PRKAA2: variants seen among roughly 807,000 people sequenced by gnomAD.
The protein encoded by PRKAA2 is 5'-AMP-activated protein kinase catalytic subunit alpha-2.
A neutral mutation model predicts 56.3 loss-of-function variants in PRKAA2; 40 were observed. The observed-to-expected ratio is 0.71, with a 90% CI of 0.55 to 0.92. The LOEUF (loss-of-function observed/expected upper bound fraction) is 0.92, where lower values mean the gene tolerates loss of function less well. PRKAA2 is among the 40% of genes least tolerant of loss of function. The pLI, the probability that PRKAA2 is intolerant of heterozygous loss-of-function variation, is 0.00. For synonymous variants in PRKAA2, 214 were observed against 234.2 expected (o/e 0.91, Z 0.79); for missense variants, 542 against 686.9 (o/e 0.79, Z 2.36).
In PRKAA2 at chr1:56,693,747, C is replaced by T. The variant is rs1644242613; in HGVS notation, c.476-18C>T. 1.3e-6 allele frequency: 2 copies of T among 1,498,680 alleles called. No homozygotes were observed. The highest frequency in any genetic ancestry group is 1.8e-6 in the Non-Finnish European group (2 of 1,094,002). 92.8% of individuals were successfully genotyped at this position (1,498,680 alleles called of 1,614,324 possible). ...TTAAAAATATCTAGCACCAAGTAAA[C>T]ATTACTTTTATTTTTAGGATTATCT... On this transcript the variant is annotated intron_variant, in intron 4 of 8. Transcript: ENST00000371244.
chr1:56,649,384 G>A (rs1475659593), intron 1 of PRKAA2, among the ~76,000 whole-genome samples: 1 of 152,126 alleles, frequency 6.6e-6, no homozygotes, highest in African/African-American at 2.4e-5. Flanking sequence ...AGGAGATGAT[G>A]TAATTTTAAA....
chr1:56,678,878 T>C (rs1410288647), intron 2 of PRKAA2, among the ~76,000 whole-genome samples: 1 of 152,146 alleles, frequency 6.6e-6, no homozygotes, highest in East Asian at 1.9e-4. Context: ...GTATTTTTAG[T>C]AGAGACGGGG....
chr1:56,683,863 G>T (rs1006361138), intron 2 of PRKAA2, among the ~76,000 whole-genome samples: 1 of 152,058 alleles, frequency 6.6e-6, no homozygotes, highest in African/African-American at 2.4e-5. Flanking sequence ...CCATTGTCAG[G>T]GCTTTGGCTT....
chr1:56,685,436 A>C (rs945026795), intron 2 of PRKAA2, among the ~76,000 whole-genome samples: 4 of 152,178 alleles, frequency 2.6e-5, no homozygotes, highest in Non-Finnish European at 5.9e-5. Context: ...AGTTTTGGGT[A>C]AGAATTTCTT....
In PRKAA2 at chr1:56,704,383, A is replaced by C; in HGVS notation, c.1201A>C (p.Lys401Gln). 6.2e-7 allele frequency: 1 copy of C among 1,614,184 alleles called. No individual in the cohort carries two copies. The highest frequency in any genetic ancestry group is 8.5e-7 in the Non-Finnish European group (1 of 1,180,024). The change falls in exon 7 of 9, where the codon AAG (lysine) becomes CAG (glutamine). Residue 401 changes from lysine (K) to glutamine (Q), a missense_variant. Physicochemically the swap from Lys to Gln is moderately conservative, Grantham distance 53. This residue lies in a region of PRKAA2 where 6 missense variants were observed against 22.9 expected (regional missense o/e 0.26). Coordinates refer to ENST00000371244, the MANE Select transcript of PRKAA2 (RefSeq NM_006252.4). ...KPKSLAVKKAKWHLGIRSQSK... is the reference protein window; with the variant it reads ...KPKSLAVKKAQWHLGIRSQSK... ...CAAATCTTTAGCTGTGAAAAAAGCCAAGTGGCATCTTGGAATCCGAAGTCA... is the reference window on the plus strand; with the variant it reads ...CAAATCTTTAGCTGTGAAAAAAGCCCAGTGGCATCTTGGAATCCGAAGTCA...
chr1:56,706,259 C>T (rs1644331372), intron 8 of PRKAA2, 41 bp downstream of exon 8: 2 of 1,592,454 alleles, frequency 1.3e-6, no homozygotes, highest in Non-Finnish European at 1.7e-6. Flanking sequence ...GAAGATAAAA[C>T]TTGGCACTAG....
At chr1:56,681,370 A>C (rs1162283390) in intron 2 of PRKAA2, among the ~76,000 whole-genome samples, 1 of 152,020 alleles carries the variant, frequency 6.6e-6, no homozygotes, top group Non-Finnish European at 1.5e-5. Flanking sequence ...ATTAGATCCC[A>C]TTTGTCAATT....
At chr1:56,682,375 G>T (rs1240663137) in intron 2 of PRKAA2, among the ~76,000 whole-genome samples, 1 of 152,208 alleles carries the variant, frequency 6.6e-6, no homozygotes, top group African/African-American at 2.4e-5. Flanking sequence ...AGATAGGTTT[G>T]ACCTAAGACC....
intron 1 of PRKAA2, among the ~76,000 whole-genome samples, chr1:56,655,265 T>TAA (rs1255755451): frequency 4.5e-5 from 3 of 66,996 alleles, no homozygotes; most frequent in East Asian, 5.1e-4. Context: ...TGTATTTATA[T>TAA]ATCTATATAT....
intron 2 of PRKAA2, among the ~76,000 whole-genome samples, chr1:56,683,071 ATTTTTTTTTTTTTTTTTT>A (rs10606990): frequency 1.1e-5 from 1 of 87,216 alleles, no homozygotes; most frequent in South Asian, 5.1e-4. Context: ...AAAGAAAGGA[ATTTTTTTTTTTTTTTTTT>A]TTTTTTTTTT....
chr1:56,686,863 A>G (rs1269449563), intron 2 of PRKAA2, among the ~76,000 whole-genome samples: 1 of 147,586 alleles, frequency 6.8e-6, no homozygotes, highest in Middle Eastern at 3.2e-3. Context: ...TAGCAACATT[A>G]TAGAAACAAC....
At chr1:56,659,395 G>C (rs1312162831) in intron 1 of PRKAA2, among the ~76,000 whole-genome samples, 1 of 151,226 alleles carries the variant, frequency 6.6e-6, no homozygotes, top group African/African-American at 2.4e-5. Context: ...TACTTCAGAG[G>C]CTGAGGCAGG....
intron 2 of PRKAA2, among the ~76,000 whole-genome samples, chr1:56,682,713 G>A (rs1178657501): frequency 6.6e-6 from 1 of 152,138 alleles, no homozygotes; most frequent in East Asian, 1.9e-4. Flanking sequence ...CAGACCAGTT[G>A]GGAAGCTATT....
At chr1:56,658,509 G>A (rs1643963916) in intron 1 of PRKAA2, among the ~76,000 whole-genome samples, 1 of 151,950 alleles carries the variant, frequency 6.6e-6, no homozygotes, top group African/African-American at 2.4e-5. Flanking sequence ...CGGTGTTAAA[G>A]AGTCTACTGA....
At chr1:56,694,218 A>G (rs1274214391) in intron 5 of PRKAA2, among the ~76,000 whole-genome samples, 2 of 152,190 alleles carry the variant, frequency 1.3e-5, no homozygotes, top group Admixed American at 6.5e-5. Context: ...TCCAAAGTAT[A>G]TAGAGCATTG....
chr1:56,692,547 A>G (rs964494971), intron 4 of PRKAA2, 45 bp downstream of exon 4: 5 of 1,572,798 alleles, frequency 3.2e-6, no homozygotes, highest in Non-Finnish European at 4.3e-6. Context: ...GCTACCTTTT[A>G]AAGCATAACA....
intron 1 of PRKAA2, among the ~76,000 whole-genome samples, chr1:56,667,710 AACATGTATATAT>A (rs1451123069): frequency 1.3e-5 from 2 of 152,190 alleles, no homozygotes; most frequent in Non-Finnish European, 2.9e-5. Flanking sequence ...TAAAATGTTA[AACATGTATATAT>A]ACATATAGAT....
At position 56,714,281 on chromosome 1, in the gene PRKAA2, G is replaced by A. The variant is rs1209340002; in HGVS notation, c.*6568G>A. The A allele has an allele frequency of 6.6e-6, 1 of 152,128 alleles. No individual in the cohort carries two copies. The highest frequency in any genetic ancestry group is 1.5e-5 in the Non-Finnish European group (1 of 68,004). 9.4% of individuals were successfully genotyped at this position (152,128 alleles called of 1,614,324 possible). A position where few individuals can be genotyped will look rare whatever the true frequency, so the allele number is the denominator to read the frequency against. ...CCTTTGGCTGCTGAAGCAGCAGCAA[G>A]TCACGTAACCTCATTTAGTTTTTTG... On this transcript the variant is annotated 3_prime_UTR_variant, in exon 9 of 9. Coordinates refer to ENST00000371244, the MANE Select transcript of PRKAA2 (RefSeq NM_006252.4).
chr1:56,682,916 G>T lies in PRKAA2; in HGVS notation c.236+8394G>T, dbSNP rs529395533. ...GCTGCATATGTTTAGTGACCACTGTGTTGGACAGAGCAGATAAAAAACATT... is the reference window on the plus strand; with the variant it reads ...GCTGCATATGTTTAGTGACCACTGTTTTGGACAGAGCAGATAAAAAACATT... On this transcript the variant is annotated intron_variant, in intron 2 of 8. Coordinates refer to ENST00000371244, the MANE Select transcript of PRKAA2 (RefSeq NM_006252.4). Among the ~76,000 whole-genome samples, 9 of 152,250 alleles carry T rather than the reference G, an allele frequency of 5.9e-5. 1 individual carries two copies. The South Asian group carries it at 1.9e-3, about 32-fold the overall frequency.
Sources: gnomAD v4.1 joint callset for allele counts (sites outside exome capture counted in the v4.1 genomes callset) on GRCh38, gnomAD v4.1.1 for gene constraint, gnomAD v4.1.1 regional missense constraint, MANE v1.5 for transcripts, NCBI Gene and HGNC (gene_info 2026-07-23, HGNC 2026-07-21) for gene names.